The following SPATS2L variants were observed in gnomAD, a reference collection of about 807,000 sequenced individuals.
SPATS2L encodes the protein SPATS2-like protein.
SPATS2L carries 30 observed loss-of-function variants against 59.6 expected under a neutral mutation model. The observed-to-expected ratio is 0.50, with a 90% confidence interval of 0.38 to 0.68. The LOEUF (loss-of-function observed/expected upper bound fraction) is 0.68, where lower values mean the gene tolerates loss of function less well. SPATS2L is among the 30% of genes least tolerant of loss of function. The probability of loss-of-function intolerance (pLI) is 0.00; values close to 1 mark genes in which losing one functional copy is unlikely to be tolerated. For missense variants in SPATS2L, 615 were observed against 700.0 expected (o/e 0.88, Z 1.37); for synonymous variants, 252 against 263.5 (o/e 0.96, Z 0.42).
chr2:200,363,194 GT>G (rs202231320), intron 2 of SPATS2L, among the ~76,000 whole-genome samples: 78 of 149,740 alleles, frequency 5.2e-4, no homozygotes, highest in East Asian at 1.8e-3. Context: ...AAAATTTAAA[GT>G]TTTTTTTTTA....
At chr2:200,378,479 C>A in intron 2 of SPATS2L, 1 of 731,000 alleles carries the variant, frequency 1.4e-6, no homozygotes, top group Non-Finnish European at 1.7e-6. Flanking sequence ...CAAGCCCTGC[C>A]TTCACTCCCC....
chr2:200,339,239 C>CT (rs932326161), intron 2 of SPATS2L, among the ~76,000 whole-genome samples: 5 of 151,852 alleles, frequency 3.3e-5, no homozygotes, highest in Non-Finnish European at 7.4e-5. Context: ...GTAATTTTAG[C>CT]TTTTTTTTCT....
At chr2:200,407,023 C>T (rs2082709921) in intron 3 of SPATS2L, among the ~76,000 whole-genome samples, 1 of 152,170 alleles carries the variant, frequency 6.6e-6, no homozygotes, top group Non-Finnish European at 1.5e-5. Flanking sequence ...CCCCCAAATA[C>T]GTCTTGACCA....
At chr2:200,311,090 T>C (rs2079178938) in intron 1 of SPATS2L, among the ~76,000 whole-genome samples, 1 of 152,200 alleles carries the variant, frequency 6.6e-6, no homozygotes, top group East Asian at 1.9e-4. Flanking sequence ...AATGAATAAA[T>C]GTAAGGATGA....
chr2:200,459,581 G>A (rs576674644), intron 8 of SPATS2L, among the ~76,000 whole-genome samples, 188 bp from the exon 9 acceptor site: 1 of 152,276 alleles, frequency 6.6e-6, no homozygotes, highest in South Asian at 2.1e-4. Context: ...TGTAATCCTT[G>A]GGAACATCCC....
chr2:200,379,683 G>A (rs1316629361), intron 2 of SPATS2L, among the ~76,000 whole-genome samples: 2 of 152,056 alleles, frequency 1.3e-5, no homozygotes, highest in Non-Finnish European at 1.5e-5. Flanking sequence ...ATTTGCCAGC[G>A]GGTGGTGGGG....
chr2:200,412,778 G>A (rs1029910051), intron 4 of SPATS2L, among the ~76,000 whole-genome samples: 1 of 152,134 alleles, frequency 6.6e-6, no homozygotes, highest in Non-Finnish European at 1.5e-5. Flanking sequence ...TCCTTGGCCA[G>A]CAGTGACTCA....
At chr2:200,449,401 C>T (rs2085289744) in intron 8 of SPATS2L, among the ~76,000 whole-genome samples, 1 of 152,252 alleles carries the variant, frequency 6.6e-6, no homozygotes, top group Admixed American at 6.5e-5. Context: ...CAGTCACACA[C>T]TTGGCACTGG....
At chr2:200,308,917 A>G in intron 1 of SPATS2L, 1 of 631,636 alleles carries the variant, frequency 1.6e-6, no homozygotes, top group Non-Finnish European at 2.9e-6. Context: ...TTCAGTAAAT[A>G]GTTTTTCTGC....
intron 3 of SPATS2L, among the ~76,000 whole-genome samples, chr2:200,395,842 C>G (rs2082312170): frequency 6.6e-6 from 1 of 150,788 alleles, no homozygotes; most frequent in Non-Finnish European, 1.5e-5. Context: ...GAAACCCCGT[C>G]TCTACTAAAA....
intron 1 of SPATS2L, among the ~76,000 whole-genome samples, chr2:200,307,212 C>A (rs2079049235): frequency 6.6e-6 from 1 of 151,560 alleles, no homozygotes; most frequent in African/African-American, 2.4e-5. Context: ...CCCGGGCGAG[C>A]GTGTGGCCGC....
At chr2:200,408,475 G>C (rs1055815130) in intron 3 of SPATS2L, among the ~76,000 whole-genome samples, 1 of 152,176 alleles carries the variant, frequency 6.6e-6, no homozygotes, top group East Asian at 1.9e-4. Flanking sequence ...ATAATGCCGG[G>C]TCTTTGCTGA....
Position 200,459,769 on chromosome 2 carries a change from C to T in SPATS2L, c.789C>T (p.Cys263=). Residue 263 remains cysteine, a splice_region_variant and synonymous_variant, in exon 9 of 13, where the codon TGC becomes TGT. Coordinates refer to ENST00000409140, the MANE Select transcript of SPATS2L (RefSeq NM_001100423.2). ...IKAAFAELHN[C]IIDKEVSLMA... ...TGTTTTTGTTTTTGTTTTTCCCCAGCATCATTGACAAAGAAGTTTCATTAA... is the reference window on the plus strand; with the variant it reads ...TGTTTTTGTTTTTGTTTTTCCCCAGTATCATTGACAAAGAAGTTTCATTAA... 1 of 1,611,712 alleles carries T rather than the reference C, an allele frequency of 6.2e-7. No homozygotes were observed. The highest frequency in any genetic ancestry group is 8.5e-7 in the Non-Finnish European group (1 of 1,178,582).
At chr2:200,326,059 C>A (rs1164886475) in intron 1 of SPATS2L, among the ~76,000 whole-genome samples, 1 of 152,206 alleles carries the variant, frequency 6.6e-6, no homozygotes, top group Non-Finnish European at 1.5e-5. Flanking sequence ...TGCTAAGTAA[C>A]TTATCAAAGG....
chr2:200,368,220 G>GA (rs1424498069), intron 2 of SPATS2L, among the ~76,000 whole-genome samples: 5 of 152,064 alleles, frequency 3.3e-5, no homozygotes, highest in Non-Finnish European at 7.4e-5. Flanking sequence ...AAAGGAAGAA[G>GA]AAAAAAATTC....
intron 2 of SPATS2L, among the ~76,000 whole-genome samples, chr2:200,370,065 G>A (rs78544038): frequency 0.011 from 1,664 of 152,312 alleles, 32 homozygotes; most frequent in African/African-American, 0.037. Flanking sequence ...CACCTGGCCG[G>A]GATTGCATCA....
At chr2:200,403,922 C>T (rs377493576) in intron 3 of SPATS2L, among the ~76,000 whole-genome samples, 1 of 152,224 alleles carries the variant, frequency 6.6e-6, no homozygotes, top group African/African-American at 2.4e-5. Context: ...CTAAAACTCT[C>T]ACGCAGAGGA....
intron 2 of SPATS2L, among the ~76,000 whole-genome samples, chr2:200,352,766 A>G (rs1198591911): frequency 6.6e-6 from 1 of 152,178 alleles, no homozygotes; most frequent in African/African-American, 2.4e-5. Flanking sequence ...GCTGGTGAAC[A>G]GCGAAGGTGA....
At chr2:200,346,638 G>A (rs530831758) in intron 2 of SPATS2L, among the ~76,000 whole-genome samples, 15 of 152,222 alleles carry the variant, frequency 9.9e-5, no homozygotes, top group Non-Finnish European at 2.2e-4. Context: ...AATGTATGAT[G>A]TGTCTTCGTG....
Sources: gnomAD v4.1 joint callset for allele counts (sites outside exome capture counted in the v4.1 genomes callset) on GRCh38, gnomAD v4.1.1 for gene constraint, MANE v1.5 for transcripts, NCBI Gene and HGNC (gene_info 2026-07-23, HGNC 2026-07-21) for gene names.